ANXA10: variants seen among roughly 807,000 people sequenced by gnomAD.
The protein encoded by ANXA10 is annexin 14.
ANXA10 carries 49 observed loss-of-function variants against 53.5 expected under a neutral mutation model. The ratio of observed to expected loss-of-function variants is 0.92; its 90% CI spans 0.73 to 1.16. The LOEUF (loss-of-function observed/expected upper bound fraction) is 1.16, where lower values mean the gene tolerates loss of function less well. Ranked by LOEUF, ANXA10 falls within the 50% of genes most tolerant of loss-of-function variation. The probability of loss-of-function intolerance (pLI) is 0.00; values close to 1 mark genes in which losing one functional copy is unlikely to be tolerated. For missense variants in ANXA10, 393 were observed against 394.4 expected, an observed-to-expected ratio of 1.00 and a Z score of 0.03; for synonymous variants, 131 against 128.9, an observed-to-expected ratio of 1.02 and a Z score of -0.11.
intron 10 of ANXA10, among the ~76,000 whole-genome samples, chr4:168,182,785 T>C (rs866614): frequency 2.0e-5 from 3 of 146,962 alleles, no homozygotes; most frequent in Non-Finnish European, 4.5e-5. Context: ...CCGAGGCGGG[T>C]GGATCACGAG....
intron 10 of ANXA10, among the ~76,000 whole-genome samples, chr4:168,182,205 GTATT>G (rs1055842263): frequency 3.4e-5 from 5 of 149,218 alleles, no homozygotes; most frequent in African/African-American, 4.9e-5. Context: ...TTTTCAAAAA[GTATT>G]TAAAGTGATA....
intron 1 of ANXA10, among the ~76,000 whole-genome samples, chr4:168,127,336 T>TA (rs1417092846): frequency 1.3e-5 from 2 of 152,290 alleles, no homozygotes; most frequent in Admixed American, 1.3e-4. Flanking sequence ...TTTGGTTAGA[T>TA]AATCTCTGCG....
chr4:168,182,318 ATTTTTTTTTTTTTTTTTT>A (rs542260478), intron 10 of ANXA10, among the ~76,000 whole-genome samples: 1 of 49,726 alleles, frequency 2.0e-5, no homozygotes, highest in Admixed American at 3.0e-4. Context: ...TGGAGCATTA[ATTTTTTTTTTTTTTTTTT>A]TTTTTTTTTT....
chr4:168,165,379 A>G (rs1203545313), intron 6 of ANXA10, 53 bp downstream of exon 6: 10 of 771,822 alleles, frequency 1.3e-5, no homozygotes, highest in East Asian at 3.2e-5. Context: ...AAATAAGTAT[A>G]TGTCATTGCC....
chr4:168,113,398 G>A (rs1018692296), intron 1 of ANXA10: 7 of 143,236 alleles, frequency 4.9e-5, no homozygotes, highest in African/African-American at 7.8e-5. Context: ...TCTGGTGAGA[G>A]CCCAGTCTCT....
At chr4:168,149,406 C>T (rs1731459709) in intron 3 of ANXA10, among the ~76,000 whole-genome samples, 3 of 152,108 alleles carry the variant, frequency 2.0e-5, no homozygotes, top group African/African-American at 7.2e-5. Context: ...TTACTAGCTA[C>T]TCTTTTTAGT....
At chr4:168,176,401 G>C (rs1381578980) in intron 6 of ANXA10, among the ~76,000 whole-genome samples, 3 of 152,088 alleles carry the variant, frequency 2.0e-5, no homozygotes, top group Admixed American at 6.6e-5. Context: ...TCTCACGGGA[G>C]CTGAAGACTC....
intron 1 of ANXA10, among the ~76,000 whole-genome samples, chr4:168,096,987 C>G (rs1183520562): frequency 7.3e-6 from 1 of 137,180 alleles, no homozygotes; most frequent in Non-Finnish European, 1.6e-5. Flanking sequence ...ATATATACAA[C>G]AGTCCCAAAT....
At position 168,179,202 on chromosome 4, in the gene ANXA10, A is replaced by C. The variant is rs1732190228; in HGVS notation, c.629-15A>C. ...ATTTTCAAAATCTCCTTTGAATTAC[A>C]TCAATTTGTTAAAGTTTTCCAGGAA... On this transcript the variant is annotated splice_polypyrimidine_tract_variant and intron_variant, in intron 8 of 11. Coordinates refer to ENST00000359299, the MANE Select transcript of ANXA10 (RefSeq NM_007193.5). The C allele has an allele frequency of 6.7e-7, 1 of 1,498,860 alleles. No individual in the cohort carries two copies. Among genetic ancestry groups the C allele is most frequent in the Admixed American group, 1.7e-5 (1 of 58,988 alleles). 92.8% of individuals were successfully genotyped at this position (1,498,860 alleles called of 1,614,324 possible). A position where few individuals can be genotyped will look rare whatever the true frequency, so the allele number is the denominator to read the frequency against.
At chr4:168,184,752 T>G in intron 11 of ANXA10, 71 bp downstream of exon 11, 2 of 1,571,980 alleles carry the variant, frequency 1.3e-6, no homozygotes, top group East Asian at 4.5e-5. Context: ...AAAGTTCTCA[T>G]TCAAATAACT....
At chr4:168,156,578 A>G (rs1731687984) in intron 3 of ANXA10, among the ~76,000 whole-genome samples, 1 of 150,226 alleles carries the variant, frequency 6.7e-6, no homozygotes, top group Non-Finnish European at 1.5e-5. Context: ...ATCTCAGCTC[A>G]CTGCAAGCTC....
intron 9 of ANXA10, among the ~76,000 whole-genome samples, chr4:168,181,444 G>C (rs1220676844): frequency 6.6e-6 from 1 of 150,830 alleles, no homozygotes. Context: ...GCTACATGAA[G>C]GAACTAACAA....
At chr4:168,170,062 C>T (rs999791839) in intron 6 of ANXA10, among the ~76,000 whole-genome samples, 2 of 151,896 alleles carry the variant, frequency 1.3e-5, no homozygotes, top group African/African-American at 4.8e-5. Flanking sequence ...TTATTTTTTT[C>T]CTAAAATTAA....
chr4:168,172,959 T>C (rs1732044098), intron 6 of ANXA10, among the ~76,000 whole-genome samples: 1 of 152,028 alleles, frequency 6.6e-6, no homozygotes. Context: ...CTGGCTAATT[T>C]TTGTATTTTT....
At chr4:168,140,252 T>G (rs968661226) in intron 3 of ANXA10, among the ~76,000 whole-genome samples, 2 of 152,212 alleles carry the variant, frequency 1.3e-5, no homozygotes, top group Non-Finnish European at 2.9e-5. Flanking sequence ...GAAACAACAA[T>G]TACTTCATCA....
rs894085073 is a variant in ANXA10 at position 168,111,426 on chromosome 4, T to C, written c.19-16658T>C. Among the ~76,000 whole-genome samples the C allele has an allele frequency of 5.9e-5, 9 of 152,152 alleles. 1 individual carries two copies. The highest frequency in any genetic ancestry group is 2.6e-4 in the Admixed American group (4 of 15,278). On this transcript the variant is annotated intron_variant, in intron 1 of 11. Coordinates refer to ENST00000359299, the MANE Select transcript of ANXA10 (RefSeq NM_007193.5). ...AAAACATAAAATAAGCCTTAATTTT[T>C]CAAAATGTGAGAATAATAATCAAAA...
intron 3 of ANXA10, among the ~76,000 whole-genome samples, chr4:168,155,020 T>C (rs1731579226): frequency 6.6e-6 from 1 of 152,032 alleles, no homozygotes; most frequent in Admixed American, 6.6e-5. Flanking sequence ...TTTTGAAATA[T>C]TCAGATTTCA....
At chr4:168,105,537 T>A (rs1321094459) in intron 1 of ANXA10, among the ~76,000 whole-genome samples, 2 of 152,146 alleles carry the variant, frequency 1.3e-5, no homozygotes, top group African/African-American at 4.8e-5. Context: ...TTTAGATTGA[T>A]TCCATGTCTT....
intron 3 of ANXA10, among the ~76,000 whole-genome samples, chr4:168,146,594 C>A (rs1273163933): frequency 1.3e-5 from 2 of 152,098 alleles, no homozygotes; most frequent in East Asian, 3.9e-4. Context: ...GTTGTGATGT[C>A]CAGTCTGATG....
Sources: gnomAD v4.1 joint callset for allele counts (sites outside exome capture counted in the v4.1 genomes callset) on GRCh38, gnomAD v4.1.1 for gene constraint, MANE v1.5 for transcripts, NCBI Gene and HGNC (gene_info 2026-07-23, HGNC 2026-07-21) for gene names.